KAZN: variants seen among roughly 807,000 people sequenced by gnomAD.
KAZN encodes the protein kazrin, periplakin interacting protein.
KAZN carries 40 observed loss-of-function variants against 87.4 expected under a neutral mutation model. The observed-to-expected ratio is 0.46, with a 90% CI of 0.36 to 0.60. KAZN has a LOEUF of 0.60. Ranked by LOEUF, KAZN falls within the 20% of genes least tolerant of loss-of-function variation. KAZN has a pLI of 0.00. For synonymous variants in KAZN, 466 were observed against 458.3 expected (o/e 1.02, Z -0.22); for missense variants, 898 against 1,073.9 (o/e 0.84, Z 2.29).
intron 1 of KAZN, among the ~76,000 whole-genome samples, chr1:14,031,764 G>T (rs1420102650): frequency 2.0e-5 from 3 of 152,162 alleles, no homozygotes; most frequent in African/African-American, 7.2e-5. Flanking sequence ...CTGCTTCAAG[G>T]GCAGGAGGAT....
At chr1:14,558,706 C>T (rs1674067746) in intron 2 of KAZN, among the ~76,000 whole-genome samples, 3 of 152,152 alleles carry the variant, frequency 2.0e-5, no homozygotes, top group Non-Finnish European at 4.4e-5. Flanking sequence ...GGTCTTCTGC[C>T]TCACGCTGGG....
chr1:14,979,040 G>T (rs1263034508), intron 2 of KAZN, among the ~76,000 whole-genome samples: 2 of 151,840 alleles, frequency 1.3e-5, no homozygotes, highest in Non-Finnish European at 2.9e-5. Context: ...GAGCAGCTGG[G>T]ATTACAGGCG....
At chr1:14,135,603 G>A (rs1017551189) in intron 1 of KAZN, among the ~76,000 whole-genome samples, 86 of 152,318 alleles carry the variant, frequency 5.6e-4, no homozygotes, top group Non-Finnish European at 2.1e-4. Context: ...TTCCCCTTCA[G>A]AGGCATTTAA....
chr1:14,418,484 TG>T (rs201167748), intron 2 of KAZN, among the ~76,000 whole-genome samples: 3,203 of 152,330 alleles, frequency 0.021, 50 homozygotes, highest in Middle Eastern at 0.037. Flanking sequence ...ACCTCTATGT[TG>T]TAAGTTTTCG....
rs568847627 is a variant in KAZN, at chr1:14,009,993, G to T, written c.91+116237G>T. ...ACTCCCCTGTTTACTTTTGGCAGAA[G>T]ATGTTGCCCAAGACTATTGTAGACA... On this transcript the variant is annotated intron_variant, in intron 1 of 16. Coordinates refer to the KAZN transcript ENST00000636203. Among the ~76,000 whole-genome samples, 10 of 152,296 alleles carry T rather than the reference G, an allele frequency of 6.6e-5. No homozygotes were observed. The East Asian group carries it at 1.9e-3, about 29-fold the overall frequency.
intron 2 of KAZN, among the ~76,000 whole-genome samples, chr1:14,389,584 G>A (rs1399967450): frequency 6.6e-6 from 1 of 152,130 alleles, no homozygotes; most frequent in Non-Finnish European, 1.5e-5. Flanking sequence ...TATGTTAAGT[G>A]AAATAAGCCA....
rs571170663 is a variant in KAZN at position 14,325,935 on chromosome 1, C to T, written c.249+145343C>T. On this transcript the variant is annotated intron_variant, in intron 2 of 16. Transcript: ENST00000636203. ...CCGAATCCCCCTCTCCTCTTAGTGG[C>T]GGGATCCCTGGGATTCCAATCCAGA... 1.3e-4 allele frequency among the ~76,000 whole-genome samples: 20 copies of T among 152,202 alleles called. 1 individual carries two copies. The South Asian group carries it at 3.3e-3, about 25-fold the overall frequency.
chr1:14,267,358 G>GT (rs1190528899), intron 2 of KAZN, among the ~76,000 whole-genome samples: 1 of 82,720 alleles, frequency 1.2e-5, no homozygotes, highest in Non-Finnish European at 2.3e-5. Flanking sequence ...TAGCCGATAA[G>GT]CAAAAAAAAA....
intron 1 of KAZN, among the ~76,000 whole-genome samples, chr1:13,896,385 G>T (rs1012867499): frequency 1.3e-5 from 2 of 152,160 alleles, no homozygotes; most frequent in African/African-American, 4.8e-5. Context: ...GACCTCCTAG[G>T]CTCAAGCGAT....
At chr1:14,936,395 G>A (rs1572869988) in intron 1 of KAZN, among the ~76,000 whole-genome samples, 2 of 152,300 alleles carry the variant, frequency 1.3e-5, no homozygotes, top group South Asian at 4.1e-4. Context: ...TACCTGGGGC[G>A]ACCAAATTGT....
intron 1 of KAZN, among the ~76,000 whole-genome samples, chr1:13,915,180 C>A (rs1639800566): frequency 6.6e-6 from 1 of 152,158 alleles, no homozygotes; most frequent in South Asian, 2.1e-4. Context: ...CACAGGCACA[C>A]ATGTATACGA....
chr1:14,960,757 G>A lies in KAZN; in HGVS notation c.300G>A (p.Ala100=), dbSNP rs764138512. 30 of 1,602,326 alleles carry A rather than the reference G, an allele frequency of 1.9e-5. No individual in the cohort carries two copies. The South Asian group carries it at 2.1e-4, about 11-fold the overall frequency. The change falls in exon 2 of 15, where the codon GCG becomes GCA. Residue 100 remains alanine, a synonymous_variant. Transcript: ENST00000376030. ...HLLRQMKEML[A]KDLEESQGGK... Reference sequence around the variant, plus strand: ...TCCGGCAGATGAAGGAGATGTTGGCGAAGGACCTGGAGGAGTCGCAGGGCG... The same window carrying A: ...TCCGGCAGATGAAGGAGATGTTGGCAAAGGACCTGGAGGAGTCGCAGGGCG...
chr1:13,896,217 G>A (rs12048824), intron 1 of KAZN, among the ~76,000 whole-genome samples: 6 of 152,008 alleles, frequency 3.9e-5, no homozygotes, highest in South Asian at 2.1e-4. Context: ...ACAAGTTTTC[G>A]CTCATGACTA....
At chr1:14,816,934 G>A (rs1328363924) in intron 1 of KAZN, among the ~76,000 whole-genome samples, 1 of 152,150 alleles carries the variant, frequency 6.6e-6, no homozygotes, top group Non-Finnish European at 1.5e-5. Flanking sequence ...TCTGCCTATG[G>A]CCAGTAACTT....
At chr1:14,175,410 G>A (rs1052028122) in intron 1 of KAZN, among the ~76,000 whole-genome samples, 2 of 152,146 alleles carry the variant, frequency 1.3e-5, no homozygotes, top group Non-Finnish European at 2.9e-5. Flanking sequence ...GCCCACGGAT[G>A]GATTCTTAAG....
chr1:14,601,462 GTTGTTTTTGT>G (rs1254321888), intron 1 of KAZN, among the ~76,000 whole-genome samples: 16 of 151,906 alleles, frequency 1.1e-4, no homozygotes, highest in African/African-American at 3.9e-4. Context: ...GGGGGCGGGA[GTTGTTTTTGT>G]TTGTTTTTGT....
intron 2 of KAZN, among the ~76,000 whole-genome samples, chr1:14,363,516 T>C (rs755321212): frequency 2.6e-5 from 4 of 152,230 alleles, no homozygotes; most frequent in Non-Finnish European, 5.9e-5. Context: ...ATTTTGGTTT[T>C]CTGTTCCTGG....
chr1:14,057,100 T>G (rs1199759340), intron 1 of KAZN, among the ~76,000 whole-genome samples: 1 of 151,768 alleles, frequency 6.6e-6, no homozygotes, highest in East Asian at 1.9e-4. Flanking sequence ...AGAAGGGAAC[T>G]TGCATGTTTA....
At chr1:14,086,075 C>T (rs1042457990) in intron 1 of KAZN, among the ~76,000 whole-genome samples, 1 of 151,996 alleles carries the variant, frequency 6.6e-6, no homozygotes, top group African/African-American at 2.4e-5. Flanking sequence ...TGTTCAAATC[C>T]CTTGCTCATA....
Sources: allele counts gnomAD v4.1 joint callset (sites outside exome capture counted in the v4.1 genomes callset), GRCh38; gene constraint gnomAD v4.1.1; transcripts MANE v1.5; gene names NCBI Gene and HGNC (gene_info 2026-07-23, HGNC 2026-07-21).